The following VPS13D variants were observed in gnomAD, a reference collection of about 807,000 sequenced individuals.
VPS13D encodes the protein vacuolar protein sorting 13 homolog D.
In VPS13D, 187 loss-of-function variants were observed where a neutral mutation model predicts 461.9. The ratio of observed to expected loss-of-function variants is 0.40; its 90% CI spans 0.36 to 0.46. The LOEUF is 0.46. Ranked by LOEUF, VPS13D falls within the 20% of genes least tolerant of loss-of-function variation. VPS13D has a pLI of 0.60. For missense variants in VPS13D, 4,711 were observed against 5,364.9 expected (o/e 0.88, Z 3.81); for synonymous variants, 1,951 against 1,986.3 (o/e 0.98, Z 0.47).
chr1:12,316,683 A>G (rs1294859922), intron 30 of VPS13D, among the ~76,000 whole-genome samples: 1 of 152,176 alleles, frequency 6.6e-6, no homozygotes, highest in African/African-American at 2.4e-5. Context: ...CCTCAGAAAT[A>G]TTTCCAAGTT....
chr1:12,416,893 CT>C, intron 65 of VPS13D, 66 bp downstream of exon 65: 1 of 1,456,286 alleles, frequency 6.9e-7, no homozygotes, highest in Non-Finnish European at 9.1e-7. Context: ...ACTACAATTT[CT>C]TTTATAGTTA....
chr1:12,318,231 C>T lies in VPS13D; in HGVS notation c.7308C>T (p.Ser2436=), dbSNP rs141470061. The T allele has an allele frequency of 3.2e-5, 52 of 1,614,166 alleles. No homozygotes were observed. The highest frequency in any genetic ancestry group is 1.6e-4 in the Middle Eastern group (1 of 6,062). The change falls in exon 31 of 70, where the codon AGC becomes AGT. Residue 2436 remains serine (S), a synonymous_variant. Coordinates refer to ENST00000620676, the MANE Select transcript of VPS13D (RefSeq NM_015378.4). ...VTPSRHRNSS[S]ESAIVPKTVK... The stretch of plus-strand genomic sequence containing the variant: ...CTTCTCGCCACCGTAACTCTAGCAG[C>T]GAATCTGCTATAGTTCCCAAAACTG...
chr1:12,459,219 G>A (rs974167574), intron 66 of VPS13D, among the ~76,000 whole-genome samples: 4 of 152,162 alleles, frequency 2.6e-5, no homozygotes, highest in African/African-American at 7.2e-5. Flanking sequence ...TTTGCCACAC[G>A]TTTCAAATAC....
rs866705985 is a variant in VPS13D at position 12,288,121 on chromosome 1, T to C, written c.5635-102T>C. ...TTGTTAAAAGCATTACCTTCAAGTT[T>C]CCCAAGCCTTTTTGCATTTTCCTTG... On this transcript the variant is annotated intron_variant, in intron 21 of 69. Coordinates refer to ENST00000620676, the MANE Select transcript of VPS13D (RefSeq NM_015378.4). 3 of 1,002,166 alleles carry C rather than the reference T, an allele frequency of 3.0e-6. No homozygotes were observed. In the South Asian group the frequency reaches 4.3e-5, roughly 15 times the overall value. 62.1% of individuals were successfully genotyped at this position (1,002,166 alleles called of 1,614,324 possible). A position where few individuals can be genotyped will look rare whatever the true frequency, so the allele number is the denominator to read the frequency against.
At chr1:12,336,063 G>C (rs953544971) in intron 39 of VPS13D, 3 of 466,744 alleles carry the variant, frequency 6.4e-6, no homozygotes, top group African/African-American at 5.9e-5. Context: ...TCTGCAACAC[G>C]TAATTCCTAA....
At chr1:12,349,654 G>T (rs1643753531) in intron 46 of VPS13D, among the ~76,000 whole-genome samples, 1 of 152,128 alleles carries the variant, frequency 6.6e-6, no homozygotes, top group African/African-American at 2.4e-5. Flanking sequence ...ATAAAGAGAG[G>T]ACATATAGAG....
intron 23 of VPS13D, among the ~76,000 whole-genome samples, 200 bp downstream of exon 23, chr1:12,291,324 G>C (rs554393259): frequency 6.6e-6 from 1 of 152,274 alleles, no homozygotes; most frequent in African/African-American, 2.4e-5. Context: ...GCTACTTAAA[G>C]CTTCATAAAC....
intron 60 of VPS13D, among the ~76,000 whole-genome samples, chr1:12,398,363 CT>C (rs1259287834): frequency 3.9e-3 from 556 of 141,176 alleles, no homozygotes; most frequent in Non-Finnish European, 5.2e-3. Flanking sequence ...ACTTTTTTTT[CT>C]TTTTTTTTTT....
At chr1:12,406,977 C>T (rs1364753242) in intron 63 of VPS13D, among the ~76,000 whole-genome samples, 1 of 152,120 alleles carries the variant, frequency 6.6e-6, no homozygotes, top group Non-Finnish European at 1.5e-5. Flanking sequence ...AACAAAGACA[C>T]TATTTAAAAA....
intron 67 of VPS13D, among the ~76,000 whole-genome samples, chr1:12,469,568 T>A (rs1283724943): frequency 2.0e-5 from 3 of 152,232 alleles, no homozygotes; most frequent in African/African-American, 7.2e-5. Flanking sequence ...TGATTGATAA[T>A]CCATCATCTT....
intron 65 of VPS13D, among the ~76,000 whole-genome samples, chr1:12,424,555 G>T (rs1340025929): frequency 2.0e-5 from 3 of 152,124 alleles, no homozygotes; most frequent in African/African-American, 4.8e-5. Context: ...GCAGCCTCAC[G>T]CATGAAGGAG....
chr1:12,455,854 G>A (rs888780985), intron 65 of VPS13D, 144 bp from the exon 66 acceptor site: 2 of 1,008,324 alleles, frequency 2.0e-6, no homozygotes, highest in Admixed American at 3.7e-5. Flanking sequence ...GGGAGGCGGA[G>A]GTTGTGATGA....
At chr1:12,421,562 C>G (rs1644863683) in intron 65 of VPS13D, among the ~76,000 whole-genome samples, 1 of 152,116 alleles carries the variant, frequency 6.6e-6, no homozygotes, top group South Asian at 2.1e-4. Flanking sequence ...TACCTTCATT[C>G]TTGTGTGATA....
chr1:12,404,639 ACT>A (rs1644626636), intron 63 of VPS13D, among the ~76,000 whole-genome samples: 1 of 151,632 alleles, frequency 6.6e-6, no homozygotes, highest in Non-Finnish European at 1.5e-5. Flanking sequence ...AGCCTGTCTG[ACT>A]CTAAAGTCTA....
At chr1:12,501,879 G>C (rs371529955) in intron 68 of VPS13D, among the ~76,000 whole-genome samples, 1 of 152,326 alleles carries the variant, frequency 6.6e-6, no homozygotes, top group East Asian at 1.9e-4. Flanking sequence ...TGCAGGAGGC[G>C]GAGGAATGTG....
intron 60 of VPS13D, among the ~76,000 whole-genome samples, chr1:12,398,257 A>C (rs1644525407): frequency 6.6e-6 from 1 of 152,244 alleles, no homozygotes; most frequent in African/African-American, 2.4e-5. Flanking sequence ...TCCCTGCAAT[A>C]CAATGGAGAG....
intron 65 of VPS13D, among the ~76,000 whole-genome samples, chr1:12,445,585 G>A (rs945385305): frequency 4.6e-5 from 7 of 152,208 alleles, no homozygotes; most frequent in African/African-American, 1.7e-4. Flanking sequence ...AAAGGCCACT[G>A]AGGAATCCAA....
chr1:12,503,389 G>A (rs1646060438), intron 68 of VPS13D, among the ~76,000 whole-genome samples: 1 of 151,380 alleles, frequency 6.6e-6, no homozygotes. Flanking sequence ...TCACTATGTG[G>A]CCCAGGATGG....
intron 48 of VPS13D, 108 bp downstream of exon 48, chr1:12,356,198 T>A: frequency 7.1e-7 from 1 of 1,413,474 alleles, no homozygotes; most frequent in Admixed American, 2.4e-5. Flanking sequence ...ACTTCAACAG[T>A]CTGAGCTGCT....
Sources: gnomAD v4.1 joint callset for allele counts (sites outside exome capture counted in the v4.1 genomes callset) on GRCh38, gnomAD v4.1.1 for gene constraint, MANE v1.5 for transcripts, NCBI Gene and HGNC (gene_info 2026-07-23, HGNC 2026-07-21) for gene names.